The following KCNG3 variants were observed in gnomAD, a reference collection of about 807,000 sequenced individuals.
The protein encoded by KCNG3 is voltage-gated potassium channel regulatory subunit KCNG3.
A neutral mutation model predicts 29.0 loss-of-function variants in KCNG3; 15 were observed. That is an observed-to-expected ratio of 0.52 (90% CI 0.35 to 0.80). The LOEUF (loss-of-function observed/expected upper bound fraction) is 0.80. Ranked by LOEUF, KCNG3 falls within the 30% of genes least tolerant of loss-of-function variation. KCNG3 has a pLI of 0.01. For missense variants in KCNG3, 512 were observed against 605.7 expected (o/e 0.85, Z 1.62); for synonymous variants, 322 against 248.9 (o/e 1.29, Z -2.76).
chr2:42,482,420 A>C (rs1436779872), intron 1 of KCNG3, among the ~76,000 whole-genome samples: 2 of 152,208 alleles, frequency 1.3e-5, no homozygotes, highest in Non-Finnish European at 2.9e-5. Flanking sequence ...TCTACAAAAA[A>C]TTTAAAAATT....
intron 1 of KCNG3, among the ~76,000 whole-genome samples, chr2:42,483,863 C>A (rs1365274504): frequency 6.6e-6 from 1 of 152,168 alleles, no homozygotes; most frequent in Admixed American, 6.5e-5. Context: ...ACAATCACGG[C>A]TCATTGCAGC....
intron 1 of KCNG3, among the ~76,000 whole-genome samples, chr2:42,447,308 A>G (rs1049357134): frequency 1.3e-5 from 2 of 151,994 alleles, no homozygotes; most frequent in Non-Finnish European, 2.9e-5. Flanking sequence ...ATACACACAT[A>G]TATATGTATG....
the KCNG3 span, among the ~76,000 whole-genome samples, chr2:42,414,101 T>C: frequency 6.6e-6 from 1 of 152,232 alleles, no homozygotes; most frequent in Admixed American, 6.5e-5. Context: ...AAAACTGTTG[T>C]TGTTGTTATT....
the KCNG3 span, among the ~76,000 whole-genome samples, chr2:42,411,755 T>A: frequency 6.6e-6 from 1 of 152,192 alleles, no homozygotes; most frequent in Non-Finnish European, 1.5e-5. Flanking sequence ...AGTGCTGGAA[T>A]TACAGGCATG....
the KCNG3 span, among the ~76,000 whole-genome samples, chr2:42,407,070 A>G: frequency 1.3e-5 from 2 of 152,046 alleles, no homozygotes; most frequent in South Asian, 4.1e-4. Context: ...CTTGATAAGA[A>G]TTCATATTCT....
chr2:42,424,081 T>C, the KCNG3 span, among the ~76,000 whole-genome samples: 1 of 152,204 alleles, frequency 6.6e-6, no homozygotes, highest in Non-Finnish European at 1.5e-5. Flanking sequence ...TCCAGGATTC[T>C]ACTTTCCACA....
At chr2:42,492,814 G>T in intron 1 of KCNG3, 23 bp downstream of exon 1, 1 of 1,456,826 alleles carries the variant, frequency 6.9e-7, no homozygotes, top group Non-Finnish European at 9.0e-7. Context: ...GGACGGGACG[G>T]GTAGAGAAGC....
chr2:42,432,030 C>T, the KCNG3 span, among the ~76,000 whole-genome samples: 1 of 133,058 alleles, frequency 7.5e-6, no homozygotes, highest in African/African-American at 2.7e-5. Context: ...CAGAGCAAGA[C>T]TCTATCAAAA....
At chr2:42,471,885 C>CAAAAAAAAAAA (rs59566876) in intron 1 of KCNG3, among the ~76,000 whole-genome samples, 3 of 63,842 alleles carry the variant, frequency 4.7e-5, no homozygotes, top group African/African-American at 4.7e-5. Context: ...CCCTGTATCT[C>CAAAAAAAAAAA]AAAAAAAAAA....
chr2:42,459,190 CCAT>C lies in KCNG3; in HGVS notation c.666-14614_666-14612del, dbSNP rs528984853. ...CAGACTGGGCAACAAGAGCGAAACT[CCAT>C]CGTCTCAAAAAAAAAAAAAAATAGA... is the stretch of plus-strand genomic sequence containing the variant. On this transcript the variant is annotated intron_variant, in intron 1 of 1. Transcript: ENST00000306078. Among the ~76,000 whole-genome samples, 378 of 135,596 alleles carry C rather than the reference CCAT, an allele frequency of 2.8e-3. 1 individual carries two copies. The highest frequency in any genetic ancestry group is 4.2e-3 in the Non-Finnish European group (259 of 62,040). The allele number at this position is 135,596 out of a possible 152,430, so 89.0% of individuals were successfully genotyped here.
downstream of KCNG3, among the ~76,000 whole-genome samples, chr2:42,438,375 T>C (rs2103651860): frequency 6.6e-6 from 1 of 152,296 alleles, no homozygotes; most frequent in Non-Finnish European, 1.5e-5. Flanking sequence ...CGGGAAATTT[T>C]AGTTTTAGTT....
chr2:42,415,684 T>C, the KCNG3 span: 1 of 152,214 alleles, frequency 6.6e-6, no homozygotes, highest in African/African-American at 2.4e-5. Flanking sequence ...TATATAAAAA[T>C]ACGGTTTAGG....
chr2:42,443,971 C>G lies in KCNG3; in HGVS notation c.1274G>C (p.Arg425Thr). The change falls in exon 2 of 2, where the codon AGG (arginine) becomes ACG (threonine). Residue 425 changes from arginine to threonine, a missense_variant. Transcript: ENST00000306078. Reference protein sequence around the residue: ...CYHELKFRSARYSRSLSTEFL... With the variant: ...CYHELKFRSATYSRSLSTEFL... ...TTCAGTGGAGAGGCTCCTACTATAC[C>G]TAGCAGATCTAAACTTGAGCTCATG... The G allele has an allele frequency of 6.2e-7, 1 of 1,613,870 alleles. No homozygotes were observed. The highest frequency in any genetic ancestry group is 8.5e-7 in the Non-Finnish European group (1 of 1,179,898).
intron 1 of KCNG3, among the ~76,000 whole-genome samples, chr2:42,485,927 T>G (rs1210588417): frequency 6.6e-6 from 1 of 152,192 alleles, no homozygotes; most frequent in East Asian, 1.9e-4. Flanking sequence ...TAAGATTAAT[T>G]CATTACTAGA....
At chr2:42,411,406 G>C in the KCNG3 span, among the ~76,000 whole-genome samples, 34 of 152,180 alleles carry the variant, frequency 2.2e-4, no homozygotes, top group Non-Finnish European at 3.5e-4. Context: ...CCAAGCACAC[G>C]CAAAGTTTTT....
chr2:42,437,588 T>C (rs1336295925), downstream of KCNG3, among the ~76,000 whole-genome samples: 1 of 152,056 alleles, frequency 6.6e-6, no homozygotes, highest in Non-Finnish European at 1.5e-5. Context: ...AGCGTGGATA[T>C]GGTTTAATTT....
At chr2:42,472,959 T>C (rs1673328714) in intron 1 of KCNG3, among the ~76,000 whole-genome samples, 2 of 148,094 alleles carry the variant, frequency 1.4e-5, no homozygotes, top group Admixed American at 6.8e-5. Context: ...TGGAGTGCAG[T>C]GGCGCAATCT....
At chr2:42,470,260 C>T (rs964994005) in intron 1 of KCNG3, 16 of 391,976 alleles carry the variant, frequency 4.1e-5, no homozygotes, top group Non-Finnish European at 7.4e-5. Context: ...CTGTCCTGGT[C>T]GCATAAATTT....
At chr2:42,460,140 G>C (rs1024022628) in intron 1 of KCNG3, among the ~76,000 whole-genome samples, 1 of 151,978 alleles carries the variant, frequency 6.6e-6, no homozygotes, top group Admixed American at 6.6e-5. Flanking sequence ...GAGGTGGGAG[G>C]ACTTCTTGAA....
Sources: allele counts gnomAD v4.1 joint callset (sites outside exome capture counted in the v4.1 genomes callset), GRCh38; gene constraint gnomAD v4.1.1; transcripts MANE v1.5; gene names NCBI Gene and HGNC (gene_info 2026-07-23, HGNC 2026-07-21).